Variants in DMRT1 observed in about 807,000 individuals in gnomAD.
DMRT1 encodes doublesex and mab-3 related transcription factor 1.
Under a neutral mutation model 32.3 loss-of-function variants are expected in DMRT1, and 7 were observed. The ratio of observed to expected loss-of-function variants is 0.22; its 90% CI spans 0.12 to 0.41. The LOEUF is 0.41. Among genes scored for constraint, DMRT1 ranks in the 10% least tolerant of loss-of-function variants. The pLI, the probability that DMRT1 is intolerant of heterozygous loss-of-function variation, is 1.00. For missense variants in DMRT1, 625 were observed against 500.5 expected, an observed-to-expected ratio of 1.25 and a Z score of -2.37; for synonymous variants, 278 against 206.1, an observed-to-expected ratio of 1.35 and a Z score of -2.99.
intron 2 of DMRT1, among the ~76,000 whole-genome samples, chr9:848,558 T>C (rs2132546661): frequency 6.8e-6 from 1 of 146,326 alleles, no homozygotes; most frequent in East Asian, 2.0e-4. Flanking sequence ...CTTTCTTTTT[T>C]TTTTTTTTTT....
At chr9:876,338 A>C (rs1315883266) in intron 2 of DMRT1, among the ~76,000 whole-genome samples, 1 of 152,120 alleles carries the variant, frequency 6.6e-6, no homozygotes, top group Non-Finnish European at 1.5e-5. Context: ...GGGCCAAATC[A>C]TGACTCTCAG....
chr9:968,128 G>C lies in DMRT1; in HGVS notation c.1111G>C (p.Glu371Gln). Residue 371 changes from glutamate to glutamine, a missense_variant, in exon 5 of 5, where the codon GAG becomes CAG. Glu to Gln is a conservative substitution (Grantham distance 29, BLOSUM62 2). Around this residue, in one of 3 missense-constraint regions of DMRT1, gnomAD observed 416 missense variants for 321.6 expected, o/e 1.29. Coordinates refer to ENST00000382276, the MANE Select transcript of DMRT1 (RefSeq NM_021951.3). ...SSFTVTPVIE[E>Q]DE ...CTTCACAGTCACTCCCGTCATCGAGGAGGACGAGTGAGCAGTGCCTGCTGC... is the reference window on the plus strand; with the variant it reads ...CTTCACAGTCACTCCCGTCATCGAGCAGGACGAGTGAGCAGTGCCTGCTGC... 2 of 1,610,092 alleles carry C rather than the reference G, an allele frequency of 1.2e-6. No homozygotes were observed. Among genetic ancestry groups the C allele is most frequent in the Non-Finnish European group, 8.5e-7 (1 of 1,179,846 alleles).
intron 2 of DMRT1, among the ~76,000 whole-genome samples, chr9:853,245 G>T (rs1815239271): frequency 6.6e-6 from 1 of 151,962 alleles, no homozygotes; most frequent in Non-Finnish European, 1.5e-5. Flanking sequence ...TTACACTGAT[G>T]CATCATTGTC....
rs529135682 is a variant in DMRT1 at position 916,628 on chromosome 9, TC to T, written c.823-132del. 5.5e-5 allele frequency: 59 copies of T among 1,077,540 alleles called. 1 individual carries two copies. The East Asian group carries it at 1.4e-3, about 25-fold the overall frequency. The allele number at this position is 1,077,540 out of a possible 1,614,324, so 66.7% of individuals were successfully genotyped here. The stretch of plus-strand genomic sequence containing the variant: ...CTCAAGCGATCCTCCCGCCCTGGCC[TC>T]CCAAGGTGTCGGGAACATAGGCATG... On this transcript the variant is annotated intron_variant, in intron 3 of 4. Transcript: ENST00000382276.
At chr9:849,823 C>G (rs1456527104) in intron 2 of DMRT1, among the ~76,000 whole-genome samples, 1 of 73,606 alleles carries the variant, frequency 1.4e-5, no homozygotes, top group East Asian at 2.4e-4. Context: ...GGCTCTCTCT[C>G]TCTCTCTTTT....
chr9:890,778 G>C (rs550494556), intron 2 of DMRT1, among the ~76,000 whole-genome samples: 1 of 151,994 alleles, frequency 6.6e-6, no homozygotes, highest in South Asian at 2.1e-4. Context: ...GCAGTGACGC[G>C]ATCTCTGCTC....
At chr9:877,137 G>C (rs1564216685) in intron 2 of DMRT1, among the ~76,000 whole-genome samples, 1 of 152,204 alleles carries the variant, frequency 6.6e-6, no homozygotes, top group Non-Finnish European at 1.5e-5. Context: ...AATTCTCTGT[G>C]GTTCACCTTC....
At chr9:845,976 G>T (rs991616476) in intron 1 of DMRT1, among the ~76,000 whole-genome samples, 1 of 151,510 alleles carries the variant, frequency 6.6e-6, no homozygotes, top group Admixed American at 6.6e-5. Flanking sequence ...CACTCTTGTG[G>T]TGTTGGTCTC....
chr9:924,715 G>C (rs1818465836), intron 4 of DMRT1, among the ~76,000 whole-genome samples: 1 of 152,178 alleles, frequency 6.6e-6, no homozygotes, highest in Admixed American at 6.5e-5. Context: ...GGAAATGGCA[G>C]CTTTAAAGAT....
chr9:960,996 C>T (rs1483300795), intron 4 of DMRT1, among the ~76,000 whole-genome samples: 1 of 152,174 alleles, frequency 6.6e-6, no homozygotes, highest in African/African-American at 2.4e-5. Flanking sequence ...GGGAACGTAG[C>T]ACTTAATGGG....
intron 2 of DMRT1, among the ~76,000 whole-genome samples, chr9:857,193 G>C (rs572673174): frequency 6.6e-6 from 1 of 152,224 alleles, no homozygotes; most frequent in East Asian, 1.9e-4. Context: ...TGTAATCCCA[G>C]CTACTCGGGA....
At chr9:862,102 C>CCA (rs1564204346) in intron 2 of DMRT1, among the ~76,000 whole-genome samples, 1 of 133,124 alleles carries the variant, frequency 7.5e-6, no homozygotes, top group Admixed American at 7.5e-5. Context: ...GACGGGGTGG[C>CCA]GGCTGGGCAG....
chr9:861,357 CAT>C (rs1564203361), intron 2 of DMRT1, among the ~76,000 whole-genome samples: 1 of 152,152 alleles, frequency 6.6e-6, no homozygotes, highest in Admixed American at 6.5e-5. Flanking sequence ...GGACACAGCA[CAT>C]GTTTCAGAGA....
chr9:863,446 G>A (rs1815819568), intron 2 of DMRT1, among the ~76,000 whole-genome samples: 1 of 152,088 alleles, frequency 6.6e-6, no homozygotes, highest in South Asian at 2.1e-4. Context: ...GCTATTGCTG[G>A]CTTTGAAGGT....
intron 2 of DMRT1, among the ~76,000 whole-genome samples, chr9:875,369 GC>G (rs1473169156): frequency 3.9e-5 from 6 of 152,102 alleles, no homozygotes; most frequent in Non-Finnish European, 8.8e-5. Flanking sequence ...GGGCCCGACA[GC>G]TTTAGAGTCT....
intron 2 of DMRT1, among the ~76,000 whole-genome samples, chr9:851,187 G>A (rs1183805452): frequency 6.6e-6 from 1 of 152,080 alleles, no homozygotes; most frequent in East Asian, 1.9e-4. Flanking sequence ...TCTAATACCT[G>A]ATGTCTAGTG....
At chr9:870,487 C>T (rs1228331592) in intron 2 of DMRT1, among the ~76,000 whole-genome samples, 2 of 152,138 alleles carry the variant, frequency 1.3e-5, no homozygotes, top group Admixed American at 1.3e-4. Flanking sequence ...CGTCCCGTGA[C>T]AGCATCCGTC....
chr9:968,515 G>GTT lies in DMRT1; in HGVS notation c.*389_*390dup, dbSNP rs34469209. 2.2e-4 allele frequency: 34 copies of GTT among 152,202 alleles called. No homozygotes were observed. Among genetic ancestry groups the GTT allele is most frequent in the Admixed American group, 8.2e-4 (13 of 15,808 alleles). 9.4% of individuals were successfully genotyped at this position (152,202 alleles called of 1,614,324 possible). ...AAATGAAATCTTAGGTGCCTTAGGG[G>GTT]TTTTTTTTTTTTTTAAGTATTTTTT... is the stretch of plus-strand genomic sequence containing the variant. On this transcript the variant is annotated 3_prime_UTR_variant, in exon 5 of 5. Coordinates refer to ENST00000382276, the MANE Select transcript of DMRT1 (RefSeq NM_021951.3).
At chr9:918,779 A>G (rs1818264528) in intron 4 of DMRT1, among the ~76,000 whole-genome samples, 1 of 152,228 alleles carries the variant, frequency 6.6e-6, no homozygotes, top group Non-Finnish European at 1.5e-5. Context: ...GGAGTGTACA[A>G]ATACGTAGAA....
Sources: allele counts gnomAD v4.1 joint callset (sites outside exome capture counted in the v4.1 genomes callset), GRCh38; gene constraint gnomAD v4.1.1; regional missense constraint gnomAD v4.1.1; transcripts MANE v1.5; gene names NCBI Gene and HGNC (gene_info 2026-07-23, HGNC 2026-07-21).